Variants in RPF2 observed in about 807,000 individuals in gnomAD.
The protein encoded by RPF2 is brix domain containing 1.
A neutral mutation model predicts 38.9 loss-of-function variants in RPF2; 21 were observed. The ratio of observed to expected loss-of-function variants is 0.54; its 90% CI spans 0.38 to 0.78. RPF2 has a LOEUF of 0.78. Ranked by LOEUF, RPF2 falls within the 30% of genes least tolerant of loss-of-function variation. The pLI is 0.00. For missense variants in RPF2, 314 were observed against 358.1 expected (o/e 0.88, Z 0.99); for synonymous variants, 121 against 126.2 (o/e 0.96, Z 0.28).
intron 8 of RPF2, 102 bp from the exon 9 acceptor site, chr6:111,024,081 A>G: frequency 4.1e-6 from 4 of 983,988 alleles, no homozygotes; most frequent in Non-Finnish European, 5.9e-6. Context: ...TAAACATTTT[A>G]TATCATTTAA....
intron 2 of RPF2, among the ~76,000 whole-genome samples, chr6:110,988,504 C>T (rs954411961): frequency 1.3e-5 from 2 of 151,130 alleles, no homozygotes; most frequent in African/African-American, 4.9e-5. Context: ...GGTGCAATCA[C>T]GGTTCACCAC....
chr6:111,004,082 G>A (rs953772078), intron 6 of RPF2, among the ~76,000 whole-genome samples: 1 of 151,896 alleles, frequency 6.6e-6, no homozygotes, highest in Non-Finnish European at 1.5e-5. Flanking sequence ...CAAAGTGCTG[G>A]GATTATAGAT....
At position 111,015,819 on chromosome 6, in the gene RPF2, A is replaced by G; in HGVS notation, c.559A>G (p.Thr187Ala). 6.2e-7 allele frequency: 1 copy of G among 1,612,950 alleles called. No individual in the cohort carries two copies. Among genetic ancestry groups the G allele is most frequent in the Non-Finnish European group, 8.5e-7 (1 of 1,178,928 alleles). ...LAGLEYVLHF[T>A]ALNGKIYFRS... is the part of the protein sequence containing the mutation. ...TGGATTAGAGTATGTTCTGCACTTC[A>G]CTGCACTGAATGGGAAGATTTACTT... Residue 187 changes from threonine to alanine, a missense_variant, in exon 8 of 10, where the codon ACT (threonine) becomes GCT (alanine). Thr to Ala is a moderately conservative substitution (Grantham distance 58, BLOSUM62 0). Transcript: ENST00000441448.
At chr6:111,000,516 A>G (rs895041774) in intron 6 of RPF2, among the ~76,000 whole-genome samples, 1 of 152,222 alleles carries the variant, frequency 6.6e-6, no homozygotes, top group African/African-American at 2.4e-5. Context: ...TAACCACCAA[A>G]TGGCAGGTCA....
At chr6:110,995,141 G>A (rs1289890708) in intron 4 of RPF2, among the ~76,000 whole-genome samples, 9 of 152,084 alleles carry the variant, frequency 5.9e-5, no homozygotes. Context: ...CTAAGCTCAT[G>A]CAATGCACCC....
At chr6:110,995,205 A>G (rs1056465783) in intron 4 of RPF2, among the ~76,000 whole-genome samples, 2 of 152,170 alleles carry the variant, frequency 1.3e-5, no homozygotes, top group African/African-American at 2.4e-5. Flanking sequence ...ACACCTGGCC[A>G]TAGAAAATAT....
At chr6:110,992,904 C>T (rs973722720) in intron 4 of RPF2, among the ~76,000 whole-genome samples, 2 of 152,090 alleles carry the variant, frequency 1.3e-5, no homozygotes, top group Non-Finnish European at 2.9e-5. Flanking sequence ...TAGCGAGACC[C>T]TGTCTCTATT....
chr6:111,000,790 G>A (rs1312857951), intron 6 of RPF2, among the ~76,000 whole-genome samples: 1 of 152,140 alleles, frequency 6.6e-6, no homozygotes, highest in African/African-American at 2.4e-5. Flanking sequence ...AAGGCCCATA[G>A]GGGTTTCATT....
At chr6:111,005,602 G>C (rs551741461) in intron 6 of RPF2, among the ~76,000 whole-genome samples, 2 of 152,128 alleles carry the variant, frequency 1.3e-5, no homozygotes, top group East Asian at 3.8e-4. Context: ...TGAATGTCCA[G>C]CTGGTAGTTT....
At chr6:110,994,047 C>T (rs571039740) in intron 4 of RPF2, among the ~76,000 whole-genome samples, 255 of 151,808 alleles carry the variant, frequency 1.7e-3, no homozygotes, top group Non-Finnish European at 3.0e-3. Flanking sequence ...GAGGCCAAGG[C>T]GTGTGGATCA....
intron 6 of RPF2, among the ~76,000 whole-genome samples, chr6:111,001,595 A>G (rs1191619006): frequency 6.6e-6 from 1 of 151,988 alleles, no homozygotes; most frequent in East Asian, 1.9e-4. Context: ...ACTGGTCTCA[A>G]ACTCCTGGGC....
At chr6:111,024,600 C>T (rs1562377948) in intron 9 of RPF2, among the ~76,000 whole-genome samples, 1 of 151,100 alleles carries the variant, frequency 6.6e-6, no homozygotes, top group Non-Finnish European at 1.5e-5. Flanking sequence ...GTAGTCCCAG[C>T]TACTTGGGAG....
At chr6:111,017,977 G>C (rs12176282) in intron 8 of RPF2, among the ~76,000 whole-genome samples, 2 of 152,052 alleles carry the variant, frequency 1.3e-5, no homozygotes, top group Admixed American at 6.5e-5. Flanking sequence ...TCTGGAGGCC[G>C]AGGCTGGCAG....
At chr6:110,991,224 C>T (rs1360164662) in intron 3 of RPF2, among the ~76,000 whole-genome samples, 3 of 151,902 alleles carry the variant, frequency 2.0e-5, no homozygotes, top group Admixed American at 2.0e-4. Context: ...AATGTAAATG[C>T]TATGTAAATA....
intron 6 of RPF2, among the ~76,000 whole-genome samples, chr6:111,003,089 C>CG (rs1491326777): frequency 7.3e-6 from 1 of 136,844 alleles, no homozygotes; most frequent in African/African-American, 2.6e-5. Context: ...ACCCCCCCCC[C>CG]TTTTTTTTTC....
intron 7 of RPF2, among the ~76,000 whole-genome samples, chr6:111,009,556 T>C (rs915204762): frequency 1.1e-4 from 16 of 152,190 alleles, no homozygotes; most frequent in Non-Finnish European, 2.9e-5. Flanking sequence ...AGGCACTTCA[T>C]ATACACTGCT....
At chr6:111,007,256 A>G (rs1475066376) in intron 6 of RPF2, among the ~76,000 whole-genome samples, 3 of 152,046 alleles carry the variant, frequency 2.0e-5, no homozygotes, top group Non-Finnish European at 4.4e-5. Context: ...GTGTTGTGTT[A>G]TGTTTTGTTT....
At chr6:111,005,499 T>C (rs1431999717) in intron 6 of RPF2, among the ~76,000 whole-genome samples, 1 of 152,222 alleles carries the variant, frequency 6.6e-6, no homozygotes, top group East Asian at 1.9e-4. Context: ...CTACAACTGG[T>C]GAAAATACTT....
chr6:110,995,233 T>C (rs1239546442), intron 4 of RPF2, among the ~76,000 whole-genome samples: 1 of 152,212 alleles, frequency 6.6e-6, no homozygotes, highest in African/African-American at 2.4e-5. Context: ...ACACCCACTT[T>C]GTTCAGGACA....
Sources: gnomAD v4.1 joint callset for allele counts (sites outside exome capture counted in the v4.1 genomes callset) on GRCh38, gnomAD v4.1.1 for gene constraint, MANE v1.5 for transcripts, NCBI Gene and HGNC (gene_info 2026-07-23, HGNC 2026-07-21) for gene names.